USP37: variants seen among roughly 807,000 people sequenced by gnomAD.
USP37 encodes the protein ubiquitin carboxyl-terminal hydrolase 37.
Under a neutral mutation model 124.0 loss-of-function variants are expected in USP37, and 27 were observed. The observed-to-expected ratio is 0.22, with a 90% CI of 0.16 to 0.30. USP37 has a LOEUF of 0.30. USP37 is among the 10% of genes least tolerant of loss of function. USP37 has a pLI of 1.00. For missense variants in USP37, 889 were observed against 1,140.4 expected, an observed-to-expected ratio of 0.78 and a Z score of 3.17; for synonymous variants, 365 against 388.0, an observed-to-expected ratio of 0.94 and a Z score of 0.70.
At position 218,488,409 on chromosome 2, in the gene USP37, A is replaced by T. The variant is rs143668221; in HGVS notation, c.1485T>A (p.Ile495=). 2.7e-5 allele frequency: 44 copies of T among 1,602,688 alleles called. No individual in the cohort carries two copies. In the African/African-American group the frequency reaches 5.2e-4, roughly 19 times the overall value. The change falls in exon 15 of 26, where the codon ATT becomes ATA. Residue 495 remains isoleucine (I), a synonymous_variant. Coordinates refer to ENST00000258399, the MANE Select transcript of USP37 (RefSeq NM_020935.3). ...CATTAAACTGTTCTCTTTTGGGGAT[A>T]ATCTCTCCACATCTGTAAGAATAAA... ...HSIICKACGE[I]IPKREQFNDL... is the part of the protein sequence containing the mutation.
At position 218,546,911 on chromosome 2, in the gene USP37, T is replaced by G; in HGVS notation, c.602+8A>C. On this transcript the variant is annotated splice_region_variant and intron_variant, in intron 7 of 25. Transcript: ENST00000258399. ...ACAGCTAGTGACTAAGAAAAAAGTCTCTCCTACCGATTTTCTAGCAACCCT... is the reference window on the plus strand; with the variant it reads ...ACAGCTAGTGACTAAGAAAAAAGTCGCTCCTACCGATTTTCTAGCAACCCT... The G allele has an allele frequency of 1.9e-6, 3 of 1,603,132 alleles. No homozygotes were observed. Among genetic ancestry groups the G allele is most frequent in the Non-Finnish European group, 2.5e-6 (3 of 1,177,516 alleles).
Position 218,553,583 on chromosome 2 carries a change from C to T in USP37, c.298G>A (p.Asp100Asn). The change falls in exon 5 of 26, where the codon GAT (aspartate) becomes AAT (asparagine). Residue 100 changes from aspartate to asparagine, a missense_variant. Asp to Asn is a conservative substitution (Grantham distance 23). Transcript: ENST00000258399. ...KDAEEMRLFL[D>N]AVHQNRLPAA... The stretch of plus-strand genomic sequence containing the variant: ...GGAAGTCTGTTTTGATGGACTGCAT[C>T]TAGAAACAACCTCATTTCCTCTGCA... 1 of 1,613,658 alleles carries T rather than the reference C, an allele frequency of 6.2e-7. No individual in the cohort carries two copies. Among genetic ancestry groups the T allele is most frequent in the South Asian group, 1.1e-5 (1 of 91,004 alleles).
At position 218,498,018 on chromosome 2, in the gene USP37, A is replaced by T; in HGVS notation, c.1157+8T>A. ...GGTTACTCAGTAAGTACAGTACATA[A>T]TGATTACCTGATAAGTGCATTGAGT... On this transcript the variant is annotated splice_region_variant and intron_variant, in intron 12 of 25. Coordinates refer to ENST00000258399, the MANE Select transcript of USP37 (RefSeq NM_020935.3). The T allele has an allele frequency of 6.3e-7, 1 of 1,599,614 alleles. No individual in the cohort carries two copies. Among genetic ancestry groups the T allele is most frequent in the Non-Finnish European group, 8.5e-7 (1 of 1,174,920 alleles).
intron 14 of USP37, among the ~76,000 whole-genome samples, chr2:218,490,302 C>T (rs1204276453): frequency 2.0e-5 from 3 of 152,168 alleles, no homozygotes; most frequent in African/African-American, 7.2e-5. Flanking sequence ...GATCGCACTA[C>T]TGCACTCCAG....
intron 18 of USP37, among the ~76,000 whole-genome samples, chr2:218,478,707 C>T (rs185452716): frequency 1.1e-3 from 169 of 152,288 alleles, no homozygotes; most frequent in Non-Finnish European, 1.7e-3. Flanking sequence ...GGCAGCTTGC[C>T]TGTAGCAATG....
At chr2:218,524,756 C>T (rs566151277) in intron 10 of USP37, among the ~76,000 whole-genome samples, 8 of 152,264 alleles carry the variant, frequency 5.3e-5, no homozygotes, top group African/African-American at 1.7e-4. Flanking sequence ...ACTACAGGCA[C>T]GCACCACCAC....
chr2:218,459,932 T>A, intron 22 of USP37, 27 bp from the exon 23 acceptor site: 1 of 1,583,200 alleles, frequency 6.3e-7, no homozygotes, highest in Non-Finnish European at 8.7e-7. Flanking sequence ...CAAAATCTTA[T>A]AAAAGTTCTT....
At chr2:218,522,965 C>T (rs1690742585) in intron 10 of USP37, among the ~76,000 whole-genome samples, 1 of 152,040 alleles carries the variant, frequency 6.6e-6, no homozygotes. Context: ...ATGGTGAAAC[C>T]CCCTTTCTAC....
chr2:218,553,080 T>G (rs978856100), intron 5 of USP37, among the ~76,000 whole-genome samples: 24 of 152,266 alleles, frequency 1.6e-4, no homozygotes, highest in African/African-American at 5.5e-4. Context: ...TTATTTCCTT[T>G]TCTTGCCTAA....
At chr2:218,553,349 T>C (rs968730569) in intron 5 of USP37, among the ~76,000 whole-genome samples, 3 of 152,260 alleles carry the variant, frequency 2.0e-5, no homozygotes, top group African/African-American at 7.2e-5. Flanking sequence ...CATGTGGTTT[T>C]CGTCCTTCAT....
intron 15 of USP37, 29 bp from the exon 16 acceptor site, chr2:218,485,772 A>T (rs144155786): frequency 6.3e-7 from 1 of 1,589,986 alleles, no homozygotes; most frequent in Non-Finnish European, 8.5e-7. Context: ...ATAAAGCATG[A>T]AGGTGAATCA....
At chr2:218,484,563 G>A (rs188740694) in intron 16 of USP37, among the ~76,000 whole-genome samples, 5 of 151,790 alleles carry the variant, frequency 3.3e-5, no homozygotes, top group Non-Finnish European at 5.9e-5. Context: ...CAGAGGTTGC[G>A]GTGAGCTGAG....
chr2:218,537,684 T>C (rs1413334634), intron 8 of USP37, among the ~76,000 whole-genome samples: 1 of 152,150 alleles, frequency 6.6e-6, no homozygotes, highest in Non-Finnish European at 1.5e-5. Flanking sequence ...GACTATGGAA[T>C]TGACTGGTTG....
At chr2:218,553,125 T>C (rs1692758558) in intron 5 of USP37, among the ~76,000 whole-genome samples, 1 of 152,218 alleles carries the variant, frequency 6.6e-6, no homozygotes, top group South Asian at 2.1e-4. Flanking sequence ...CTATGTTAAA[T>C]AGAAGTGGCA....
chr2:218,534,926 C>T (rs920512010), intron 8 of USP37, among the ~76,000 whole-genome samples: 1 of 152,126 alleles, frequency 6.6e-6, no homozygotes, highest in African/African-American at 2.4e-5. Flanking sequence ...CAATCCAATC[C>T]ATGACTCTGA....
At position 218,547,025 on chromosome 2, in the gene USP37, G is replaced by T; in HGVS notation, c.496C>A (p.Pro166Thr). ...DIPFRKVLGNPGRGSIKTVAG... is the reference protein window; with the variant it reads ...DIPFRKVLGNTGRGSIKTVAG... Reference sequence around the variant, plus strand: ...ACAGTCTTAATCGATCCTCTACCCGGATTACCAAGAACTTTTCGAAATGGA... The same window carrying T: ...ACAGTCTTAATCGATCCTCTACCCGTATTACCAAGAACTTTTCGAAATGGA... Residue 166 changes from proline to threonine, a missense_variant, in exon 7 of 26, where the codon CCG becomes ACG. This residue lies in a region of USP37 where 374 missense variants were observed against 386.0 expected (regional missense o/e 0.97). Coordinates refer to ENST00000258399, the MANE Select transcript of USP37 (RefSeq NM_020935.3). The T allele has an allele frequency of 6.2e-7, 1 of 1,612,306 alleles. No homozygotes were observed. The highest frequency in any genetic ancestry group is 1.1e-5 in the South Asian group (1 of 90,564).
At chr2:218,543,613 C>T (rs1021713959) in intron 8 of USP37, among the ~76,000 whole-genome samples, 5 of 150,638 alleles carry the variant, frequency 3.3e-5, no homozygotes, top group Admixed American at 6.6e-5. Context: ...GAAATCAAGA[C>T]CATTCTGGCT....
In USP37 at chr2:218,515,163, C is replaced by T. The variant is rs139863544; in HGVS notation, c.864-5023G>A. 1.7e-3 allele frequency among the ~76,000 whole-genome samples: 253 copies of T among 152,210 alleles called. 1 individual carries two copies. Among genetic ancestry groups the T allele is most frequent in the African/African-American group, 5.6e-3 (233 of 41,532 alleles). On this transcript the variant is annotated intron_variant, in intron 10 of 25. Coordinates refer to ENST00000258399, the MANE Select transcript of USP37 (RefSeq NM_020935.3). ...ATCAGGGTCTGCAAGCTACCACTGACTTTCTTCACAGAATTAGAAAAAACT... is the reference window on the plus strand; with the variant it reads ...ATCAGGGTCTGCAAGCTACCACTGATTTTCTTCACAGAATTAGAAAAAACT...
At chr2:218,464,904 G>A (rs764244337) in intron 21 of USP37, among the ~76,000 whole-genome samples, 1 of 150,924 alleles carries the variant, frequency 6.6e-6, no homozygotes, top group Non-Finnish European at 1.5e-5. Flanking sequence ...GCAACAGTGA[G>A]ACACTGTCTT....
Sources: allele counts gnomAD v4.1 joint callset (sites outside exome capture counted in the v4.1 genomes callset), GRCh38; gene constraint gnomAD v4.1.1; regional missense constraint gnomAD v4.1.1; transcripts MANE v1.5; gene names NCBI Gene and HGNC (gene_info 2026-07-23, HGNC 2026-07-21).